The following PTPRT variants were observed in gnomAD, a reference collection of about 807,000 sequenced individuals.
PTPRT encodes receptor-type tyrosine-protein phosphatase T.
In PTPRT, 56 loss-of-function variants were observed where a neutral mutation model predicts 176.8. The observed-to-expected ratio is 0.32, with a 90% CI of 0.26 to 0.40. The LOEUF (loss-of-function observed/expected upper bound fraction) is 0.40, where lower values mean the gene tolerates loss of function less well. Among genes scored for constraint, PTPRT ranks in the 10% least tolerant of loss-of-function variants. PTPRT has a pLI of 1.00. For synonymous variants in PTPRT, 783 were observed against 739.0 expected, an observed-to-expected ratio of 1.06 and a Z score of -0.96; for missense variants, 1,540 against 1,908.2, an observed-to-expected ratio of 0.81 and a Z score of 3.60.
chr20:42,165,405 T>C (rs1470767413), intron 16 of PTPRT, among the ~76,000 whole-genome samples: 1 of 152,074 alleles, frequency 6.6e-6, no homozygotes, highest in African/African-American at 2.4e-5. Flanking sequence ...AAATATAAGG[T>C]GTGCGTGAAT....
chr20:42,907,843 T>C (rs968819082), intron 1 of PTPRT, among the ~76,000 whole-genome samples: 5 of 143,204 alleles, frequency 3.5e-5, no homozygotes, highest in Non-Finnish European at 7.4e-5. Flanking sequence ...AGAGTGAAAA[T>C]AGTAAGAAAT....
chr20:42,896,056 G>A (rs2079290608), intron 1 of PTPRT, among the ~76,000 whole-genome samples: 1 of 152,192 alleles, frequency 6.6e-6, no homozygotes, highest in Non-Finnish European at 1.5e-5. Context: ...AAGGGATTGA[G>A]TAAAGAACAC....
chr20:42,101,067 T>A (rs1985887916), intron 26 of PTPRT, among the ~76,000 whole-genome samples: 1 of 152,206 alleles, frequency 6.6e-6, no homozygotes, highest in African/African-American at 2.4e-5. Flanking sequence ...TTCTGTCTAT[T>A]CTGAGTGAGA....
chr20:42,874,149 C>T lies in PTPRT; in HGVS notation c.214+11658G>A, dbSNP rs1299694591. On this transcript the variant is annotated intron_variant, in intron 2 of 30. Coordinates refer to ENST00000373187, the MANE Select transcript of PTPRT (RefSeq NM_007050.6). ...TCACCATGATCAGGATGATTCTCAG[C>T]AACGTCTTCCTCTCCGGCTGCCCTG... is the stretch of plus-strand genomic sequence containing the variant. Among the ~76,000 whole-genome samples the T allele has an allele frequency of 2.6e-5, 4 of 152,268 alleles. No homozygotes were observed. The East Asian group carries it at 7.7e-4, about 29-fold the overall frequency.
chr20:42,257,992 T>A (rs1325289013), intron 13 of PTPRT, among the ~76,000 whole-genome samples: 3 of 152,028 alleles, frequency 2.0e-5, no homozygotes, highest in Non-Finnish European at 4.4e-5. Flanking sequence ...AGCACAGAGA[T>A]TATTCTCTTT....
intron 2 of PTPRT, among the ~76,000 whole-genome samples, chr20:42,876,002 T>C (rs2078923315): frequency 6.6e-6 from 1 of 152,202 alleles, no homozygotes; most frequent in Non-Finnish European, 1.5e-5. Context: ...ACGTCTCTAT[T>C]ACTATTACCA....
intron 7 of PTPRT, among the ~76,000 whole-genome samples, chr20:42,542,795 C>T (rs2072606723): frequency 6.6e-6 from 1 of 152,138 alleles, no homozygotes; most frequent in Non-Finnish European, 1.5e-5. Context: ...ATCATGAAAT[C>T]ATAGCCATTT....
At chr20:42,917,382 A>C (rs1415005881) in intron 1 of PTPRT, among the ~76,000 whole-genome samples, 2 of 152,124 alleles carry the variant, frequency 1.3e-5, no homozygotes, top group African/African-American at 4.8e-5. Flanking sequence ...GTATAGTTTG[A>C]AGTCAGGTAG....
chr20:42,962,127 A>G (rs1219156116), intron 1 of PTPRT, among the ~76,000 whole-genome samples: 1 of 152,222 alleles, frequency 6.6e-6, no homozygotes, highest in Non-Finnish European at 1.5e-5. Flanking sequence ...TTGTTACAGC[A>G]GCAGTAGGAA....
chr20:42,654,137 A>C (rs536361655), intron 7 of PTPRT, among the ~76,000 whole-genome samples: 1 of 152,190 alleles, frequency 6.6e-6, no homozygotes, highest in South Asian at 2.1e-4. Context: ...AGGCCATGGA[A>C]ACTATGTAAA....
At chr20:42,708,957 G>T (rs1433850704) in intron 6 of PTPRT, among the ~76,000 whole-genome samples, 4 of 152,220 alleles carry the variant, frequency 2.6e-5, no homozygotes, top group Non-Finnish European at 5.9e-5. Flanking sequence ...ATCCATAGCA[G>T]AGAGAATGGG....
At chr20:42,504,733 C>G (rs1193380915) in intron 7 of PTPRT, among the ~76,000 whole-genome samples, 2 of 152,244 alleles carry the variant, frequency 1.3e-5, no homozygotes, top group East Asian at 3.9e-4. Context: ...AGTTTAAGTA[C>G]ATTTTTTGAG....
intron 7 of PTPRT, among the ~76,000 whole-genome samples, chr20:42,631,575 A>G (rs952844382): frequency 3.9e-5 from 6 of 152,130 alleles, no homozygotes; most frequent in Admixed American, 3.3e-4. Flanking sequence ...GCCCAATAAC[A>G]TCTTCAGCTA....
Position 43,135,806 on chromosome 20 carries a change from TG to T in PTPRT, c.88+53839del, listed in dbSNP as rs2013814839. 3.3e-5 allele frequency among the ~76,000 whole-genome samples: 5 copies of T among 152,028 alleles called. No homozygotes were observed. The South Asian group carries it at 1.0e-3, about 32-fold the overall frequency. ...TTCATTGACAGTGTATTGGAGGCGG[TG>T]GGGGGCTTTCGTCTTTCCTGATTCT... On this transcript the variant is annotated intron_variant, in intron 1 of 30. Transcript: ENST00000373187.
chr20:43,176,911 A>T (rs1363192203), intron 1 of PTPRT, among the ~76,000 whole-genome samples: 3 of 152,234 alleles, frequency 2.0e-5, no homozygotes, highest in African/African-American at 7.2e-5. Flanking sequence ...TGAAGAGGTC[A>T]CTAGACCTCA....
chr20:42,965,925 A>G (rs1473046831), intron 1 of PTPRT, among the ~76,000 whole-genome samples: 1 of 152,258 alleles, frequency 6.6e-6, no homozygotes, highest in African/African-American at 2.4e-5. Flanking sequence ...ATATTCAATG[A>G]GCATTTAATC....
chr20:42,840,688 C>T (rs1441229848), intron 2 of PTPRT, among the ~76,000 whole-genome samples: 1 of 152,208 alleles, frequency 6.6e-6, no homozygotes, highest in African/African-American at 2.4e-5. Flanking sequence ...GCTGGGATTA[C>T]AGGCACGAGC....
At chr20:42,248,947 C>T (rs2056503889) in intron 13 of PTPRT, 125 bp from the exon 14 acceptor site, 1 of 1,074,314 alleles carries the variant, frequency 9.3e-7, no homozygotes. Flanking sequence ...GTGCTAAGGG[C>T]ATCACATACA....
intron 1 of PTPRT, among the ~76,000 whole-genome samples, chr20:42,976,271 C>T (rs60977249): frequency 0.098 from 14,976 of 152,192 alleles, 2,052 homozygotes; most frequent in African/African-American, 0.31. Flanking sequence ...TGCACTGGGC[C>T]TCCTGCCAAA....
Sources: allele counts gnomAD v4.1 joint callset (sites outside exome capture counted in the v4.1 genomes callset), GRCh38; gene constraint gnomAD v4.1.1; transcripts MANE v1.5; gene names NCBI Gene and HGNC (gene_info 2026-07-23, HGNC 2026-07-21).